Variants in XDH observed in about 807,000 individuals in gnomAD.
The protein encoded by XDH is xanthine dehydrogenase/oxidase.
A neutral mutation model predicts 156.1 loss-of-function variants in XDH; 138 were observed. That is an observed-to-expected ratio of 0.88 (90% CI 0.77 to 1.02). The LOEUF (loss-of-function observed/expected upper bound fraction) is 1.02. Among genes scored for constraint, XDH ranks in the 50% least tolerant of loss-of-function variants. The pLI is 0.00. For missense variants in XDH, 1,849 were observed against 1,684.9 expected, an observed-to-expected ratio of 1.10 and a Z score of -1.71; for synonymous variants, 669 against 625.7, an observed-to-expected ratio of 1.07 and a Z score of -1.03.
At chr2:31,369,607 A>G (rs951375322) in intron 18 of XDH, among the ~76,000 whole-genome samples, 3 of 152,196 alleles carry the variant, frequency 2.0e-5, no homozygotes, top group African/African-American at 7.2e-5. Context: ...GGTTATTGCA[A>G]TGGTGGTTAA....
At chr2:31,350,006 C>G in intron 25 of XDH, 26 bp downstream of exon 25, 1 of 1,613,250 alleles carries the variant, frequency 6.2e-7, no homozygotes, top group Non-Finnish European at 8.5e-7. Flanking sequence ...AGCACTCTGA[C>G]TTGTGCTACC....
chr2:31,378,587 A>G (rs1245192491), intron 13 of XDH, among the ~76,000 whole-genome samples: 1 of 152,142 alleles, frequency 6.6e-6, no homozygotes, highest in Non-Finnish European at 1.5e-5. Context: ...GCTCTGGGGC[A>G]CTGAGCCCAG....
In XDH at chr2:31,375,366, C is replaced by A. The variant is rs752197404; in HGVS notation, c.1602+14G>T. On this transcript the variant is annotated intron_variant, in intron 15 of 35. Transcript: ENST00000379416. ...ATGCTACAGAGAGCCTGTGCCTGGC[C>A]AGGCCCCACTCACGTCTTCCAGGTT... is the stretch of plus-strand genomic sequence containing the variant. 5.6e-6 allele frequency: 9 copies of A among 1,614,148 alleles called. No individual in the cohort carries two copies. The highest frequency in any genetic ancestry group is 6.8e-6 in the Non-Finnish European group (8 of 1,180,024).
At chr2:31,380,063 T>A (rs149836152) in intron 12 of XDH, 87 bp from the exon 13 acceptor site, 1 of 1,309,498 alleles carries the variant, frequency 7.6e-7, no homozygotes, top group Non-Finnish European at 1.1e-6. Flanking sequence ...TCAGTGGGAT[T>A]CTTCATGCTG....
intron 31 of XDH, 64 bp downstream of exon 31, chr2:31,344,620 A>C: frequency 6.3e-7 from 1 of 1,585,144 alleles, no homozygotes. Context: ...TCGGTGCTGG[A>C]GTGGACCAGT....
intron 14 of XDH, 75 bp from the exon 15 acceptor site, chr2:31,375,629 G>A (rs1479672065): frequency 6.5e-7 from 1 of 1,528,206 alleles, no homozygotes; most frequent in Non-Finnish European, 8.9e-7. Flanking sequence ...TGTGTGCCCA[G>A]GGCCTCGGAG....
chr2:31,395,522 A>G (rs1686879137), intron 6 of XDH, among the ~76,000 whole-genome samples: 1 of 152,234 alleles, frequency 6.6e-6, no homozygotes, highest in African/African-American at 2.4e-5. Flanking sequence ...CAGAAACACA[A>G]GGAGATTTTT....
At chr2:31,354,217 G>A (rs1685566571) in intron 24 of XDH, among the ~76,000 whole-genome samples, 1 of 152,170 alleles carries the variant, frequency 6.6e-6, no homozygotes, top group Non-Finnish European at 1.5e-5. Flanking sequence ...CCTCTACCTA[G>A]CAGTGATGAG....
intron 25 of XDH, 37 bp from the exon 26 acceptor site, chr2:31,349,868 G>T: frequency 6.2e-7 from 1 of 1,612,828 alleles, no homozygotes; most frequent in Middle Eastern, 2.0e-4. Flanking sequence ...CTTGTTGGCG[G>T]CAAGAGACTG....
intron 10 of XDH, 142 bp from the exon 11 acceptor site, chr2:31,383,294 C>T (rs961820943): frequency 1.0e-5 from 14 of 1,345,848 alleles, no homozygotes; most frequent in Admixed American, 9.8e-5. Context: ...GAAATGAGGG[C>T]CCAGAGTGGT....
intron 12 of XDH, among the ~76,000 whole-genome samples, chr2:31,381,050 C>A (rs1358393450): frequency 6.6e-6 from 1 of 152,012 alleles, no homozygotes; most frequent in Non-Finnish European, 1.5e-5. Flanking sequence ...GGCTGGAGTG[C>A]AGTGGTGAGA....
In XDH at chr2:31,383,785, C is replaced by G. The variant is rs375277410; in HGVS notation, c.856G>C (p.Glu286Gln). Residue 286 changes from glutamate (E) to glutamine (Q), a missense_variant, in exon 10 of 36, where the codon GAG (glutamate) becomes CAG (glutamine). Physicochemically the swap from Glu to Gln is conservative, Grantham distance 29. Coordinates refer to ENST00000379416, the MANE Select transcript of XDH (RefSeq NM_000379.4). ...GGTCCATGTTCTACCGAATTCAGCT[C>G]AGGGATCCAGGCTGGGCAGACAATC... Reference protein sequence around the residue: ...PMIVCPAWIPELNSVEHGPDG... With the variant: ...PMIVCPAWIPQLNSVEHGPDG... The G allele has an allele frequency of 3.3e-5, 53 of 1,614,130 alleles. No homozygotes were observed. The African/African-American group carries it at 6.3e-4, about 19-fold the overall frequency.
intron 24 of XDH, among the ~76,000 whole-genome samples, chr2:31,356,972 C>A (rs527341832): frequency 2.4e-4 from 37 of 152,086 alleles, no homozygotes; most frequent in Non-Finnish European, 4.4e-4. Context: ...GAAAACCAAA[C>A]AGCATGCTTC....
At chr2:31,383,669 AGAC>A in intron 10 of XDH, 83 bp downstream of exon 10, 1 of 1,305,630 alleles carries the variant, frequency 7.7e-7, no homozygotes, top group East Asian at 2.5e-5. Flanking sequence ...GCCAGTGGGG[AGAC>A]CACCCTGATA....
intron 6 of XDH, among the ~76,000 whole-genome samples, chr2:31,395,363 G>A (rs866831173): frequency 1.3e-5 from 2 of 152,202 alleles, no homozygotes; most frequent in Admixed American, 6.5e-5. Flanking sequence ...CTGGGGTTGC[G>A]TATTTCCCCT....
chr2:31,357,784 C>T (rs1253407503), intron 24 of XDH, among the ~76,000 whole-genome samples: 1 of 151,864 alleles, frequency 6.6e-6, no homozygotes, highest in Non-Finnish European at 1.5e-5. Flanking sequence ...TTTGTTTATC[C>T]TGATACACTG....
chr2:31,413,785 T>A (rs560835690), intron 1 of XDH, among the ~76,000 whole-genome samples: 4 of 152,290 alleles, frequency 2.6e-5, no homozygotes, highest in Admixed American at 1.3e-4. Context: ...TCCTTTTCAT[T>A]CCTAAGTGGG....
chr2:31,337,887 T>G, intron 34 of XDH, 70 bp from the exon 35 acceptor site: 1 of 1,551,840 alleles, frequency 6.4e-7, no homozygotes. Context: ...CAAGTGGACC[T>G]AGGAGGCCAG....
At chr2:31,381,512 C>A in intron 12 of XDH, 121 bp downstream of exon 12, 1 of 993,616 alleles carries the variant, frequency 1.0e-6, no homozygotes, top group Admixed American at 2.0e-5. Flanking sequence ...TCCCTGGATC[C>A]AAATCACAGG....
Sources: allele counts gnomAD v4.1 joint callset (sites outside exome capture counted in the v4.1 genomes callset), GRCh38; gene constraint gnomAD v4.1.1; transcripts MANE v1.5; gene names NCBI Gene and HGNC (gene_info 2026-07-23, HGNC 2026-07-21).